The following CDH18 variants were observed in gnomAD, a reference collection of about 807,000 sequenced individuals.
CDH18 encodes the protein cadherin 18.
In CDH18, 31 loss-of-function variants were observed where a neutral mutation model predicts 67.9. The observed-to-expected ratio is 0.46, with a 90% confidence interval of 0.34 to 0.62. The LOEUF is 0.62. Among genes scored for constraint, CDH18 ranks in the 20% least tolerant of loss-of-function variants. The probability of loss-of-function intolerance (pLI) is 0.01; values close to 1 mark genes in which losing one functional copy is unlikely to be tolerated. For synonymous variants in CDH18, 362 were observed against 347.2 expected (o/e 1.04, Z -0.48); for missense variants, 890 against 975.5 (o/e 0.91, Z 1.17).
chr5:20,469,299 T>A (rs1751883350), intron 1 of CDH18, among the ~76,000 whole-genome samples: 1 of 152,200 alleles, frequency 6.6e-6, no homozygotes, highest in Non-Finnish European at 1.5e-5. Context: ...TGTTCGTATT[T>A]TTGTGTGTAT....
At chr5:19,786,879 A>C (rs1230682647) in intron 3 of CDH18, among the ~76,000 whole-genome samples, 1 of 152,144 alleles carries the variant, frequency 6.6e-6, no homozygotes, top group East Asian at 1.9e-4. Context: ...GGGGTTGTAC[A>C]GTAATGGATT....
intron 5 of CDH18, among the ~76,000 whole-genome samples, chr5:19,613,767 A>G (rs914010067): frequency 2.0e-5 from 3 of 152,178 alleles, no homozygotes; most frequent in African/African-American, 7.2e-5. Flanking sequence ...TAACTATGCC[A>G]TAACATAGAA....
chr5:19,488,702 T>G (rs1365276613), intron 11 of CDH18, among the ~76,000 whole-genome samples: 2 of 152,196 alleles, frequency 1.3e-5, no homozygotes, highest in Non-Finnish European at 2.9e-5. Flanking sequence ...TGAACTACAC[T>G]CAGCAGGAAC....
chr5:20,323,650 G>C (rs1287368706), intron 1 of CDH18, among the ~76,000 whole-genome samples: 1 of 152,156 alleles, frequency 6.6e-6, no homozygotes, highest in Admixed American at 6.5e-5. Context: ...CCAGAGAGAA[G>C]TTCTTTTTCT....
At chr5:19,501,970 C>T (rs1743328160) in intron 11 of CDH18, among the ~76,000 whole-genome samples, 1 of 152,174 alleles carries the variant, frequency 6.6e-6, no homozygotes, top group South Asian at 2.1e-4. Context: ...ATAAGCAGAG[C>T]TGACATAGGG....
chr5:20,121,358 A>T (rs1049139515), intron 2 of CDH18, among the ~76,000 whole-genome samples: 2 of 152,312 alleles, frequency 1.3e-5, no homozygotes, highest in East Asian at 3.9e-4. Context: ...AGGGCTAATC[A>T]TATTTGTTTT....
chr5:19,907,629 T>G (rs149646551), intron 2 of CDH18, among the ~76,000 whole-genome samples: 144 of 152,098 alleles, frequency 9.5e-4, no homozygotes, highest in East Asian at 4.4e-3. Flanking sequence ...GTATAAAAAT[T>G]TAAATAGCCT....
chr5:20,423,804 G>A (rs1220082282), intron 1 of CDH18, among the ~76,000 whole-genome samples: 3 of 150,186 alleles, frequency 2.0e-5, no homozygotes, highest in Admixed American at 6.6e-5. Context: ...AAAATTAGCC[G>A]GGCGTGGTGA....
At chr5:20,195,104 C>A (rs1391098425) in intron 2 of CDH18, among the ~76,000 whole-genome samples, 5 of 151,888 alleles carry the variant, frequency 3.3e-5, no homozygotes, top group African/African-American at 7.2e-5. Flanking sequence ...TATGCAGAAG[C>A]CTACAGATAC....
chr5:20,290,334 T>C (rs1284031910), intron 1 of CDH18, among the ~76,000 whole-genome samples: 2 of 152,146 alleles, frequency 1.3e-5, no homozygotes, highest in East Asian at 3.9e-4. Context: ...TCTTATGCAG[T>C]AGAATGAGTA....
At chr5:19,577,540 C>T (rs1463102636) in intron 7 of CDH18, among the ~76,000 whole-genome samples, 1 of 152,070 alleles carries the variant, frequency 6.6e-6, no homozygotes, top group Admixed American at 6.5e-5. Flanking sequence ...TTCACAGGTC[C>T]ACAGATGAAG....
intron 2 of CDH18, among the ~76,000 whole-genome samples, chr5:20,105,099 T>C (rs183908593): frequency 1.6e-4 from 24 of 152,212 alleles, no homozygotes; most frequent in African/African-American, 5.3e-4. Context: ...GCGATTCTCC[T>C]GCTTTAACCT....
chr5:19,947,585 C>CAAAAA (rs35601486), intron 2 of CDH18, among the ~76,000 whole-genome samples: 12 of 53,308 alleles, frequency 2.3e-4, no homozygotes, highest in East Asian at 1.0e-3. Flanking sequence ...TACTAAAATA[C>CAAAAA]AAAAAAAAAA....
chr5:20,140,666 T>A (rs1359540870), intron 2 of CDH18, among the ~76,000 whole-genome samples: 1 of 152,084 alleles, frequency 6.6e-6, no homozygotes, highest in Non-Finnish European at 1.5e-5. Flanking sequence ...GGGAATAATG[T>A]TGTTCTGTGA....
At chr5:19,690,083 GTA>G (rs71597981) in intron 5 of CDH18, among the ~76,000 whole-genome samples, 32,531 of 149,178 alleles carry the variant, frequency 0.22, 4,093 homozygotes, top group Non-Finnish European at 0.27. Context: ...ATGTGTGTGT[GTA>G]TATATATATA....
chr5:19,990,719 T>G (rs943640501), upstream of CDH18, among the ~76,000 whole-genome samples: 2 of 152,058 alleles, frequency 1.3e-5, no homozygotes, highest in Non-Finnish European at 2.9e-5. Flanking sequence ...AAAAGTGGAC[T>G]TGTCAGCCAC....
chr5:19,827,627 CTCCTGA>C (rs1325387213), intron 3 of CDH18, among the ~76,000 whole-genome samples: 2 of 152,072 alleles, frequency 1.3e-5, no homozygotes, highest in Non-Finnish European at 2.9e-5. Flanking sequence ...AAACAGGCTA[CTCCTGA>C]ATTACTTTTA....
intron 1 of CDH18, among the ~76,000 whole-genome samples, chr5:20,464,672 A>G (rs771782517): frequency 6.6e-6 from 1 of 152,174 alleles, no homozygotes; most frequent in African/African-American, 2.4e-5. Flanking sequence ...AGACATCTAT[A>G]TTCCAAATTC....
At chr5:20,129,793 C>T (rs539751201) in intron 2 of CDH18, among the ~76,000 whole-genome samples, 5 of 151,958 alleles carry the variant, frequency 3.3e-5, no homozygotes, top group East Asian at 1.9e-4. Flanking sequence ...ACTGATATTA[C>T]GAAGTTATTT....
Sources: gnomAD v4.1 joint callset for allele counts (sites outside exome capture counted in the v4.1 genomes callset) on GRCh38, gnomAD v4.1.1 for gene constraint, MANE v1.5 for transcripts, NCBI Gene and HGNC (gene_info 2026-07-23, HGNC 2026-07-21) for gene names.